TMEM17: variants seen among roughly 807,000 people sequenced by gnomAD.
TMEM17 encodes transmembrane protein 17.
Under a neutral mutation model 19.1 loss-of-function variants are expected in TMEM17, and 15 were observed. The ratio of observed to expected loss-of-function variants is 0.78; its 90% CI spans 0.52 to 1.21. TMEM17 has a LOEUF of 1.21. Among genes scored for constraint, TMEM17 ranks in the 50% most tolerant of loss-of-function variants. The pLI, the probability that TMEM17 is intolerant of heterozygous loss-of-function variation, is 0.00. For synonymous variants in TMEM17, 103 were observed against 86.9 expected, an observed-to-expected ratio of 1.19 and a Z score of -1.03; for missense variants, 245 against 242.3, an observed-to-expected ratio of 1.01 and a Z score of -0.07.
At chr2:62,463,604 C>T in the TMEM17 span, among the ~76,000 whole-genome samples, 2 of 152,170 alleles carry the variant, frequency 1.3e-5, no homozygotes, top group Non-Finnish European at 2.9e-5. Flanking sequence ...AAGGTTGACA[C>T]AACCTGTAGT....
chr2:62,488,298 T>A, the TMEM17 span, among the ~76,000 whole-genome samples: 1 of 152,158 alleles, frequency 6.6e-6, no homozygotes, highest in Admixed American at 6.5e-5. Context: ...AGATAGCTAC[T>A]GTAGATAGGT....
At chr2:62,473,260 A>C in the TMEM17 span, among the ~76,000 whole-genome samples, 1 of 152,204 alleles carries the variant, frequency 6.6e-6, no homozygotes, top group Non-Finnish European at 1.5e-5. Context: ...TGGATAAGAA[A>C]ACTAAGGTAC....
At chr2:62,498,638 C>T (rs1329617379), downstream of TMEM17, among the ~76,000 whole-genome samples, 8 of 147,108 alleles carry the variant, frequency 5.4e-5, no homozygotes, top group Admixed American at 5.4e-4. Context: ...ATGGCGTGAA[C>T]CCGGGAGGCG....
chr2:62,495,171 G>C, the TMEM17 span, among the ~76,000 whole-genome samples: 1 of 152,118 alleles, frequency 6.6e-6, no homozygotes, highest in African/African-American at 2.4e-5. Flanking sequence ...TTTAGATAAT[G>C]CATGTTGATA....
At chr2:62,454,872 T>G in the TMEM17 span, among the ~76,000 whole-genome samples, 1 of 152,078 alleles carries the variant, frequency 6.6e-6, no homozygotes, top group African/African-American at 2.4e-5. Flanking sequence ...CCTGGATAAC[T>G]TTTTTGTATT....
chr2:62,456,257 C>G, the TMEM17 span, among the ~76,000 whole-genome samples: 1 of 152,256 alleles, frequency 6.6e-6, no homozygotes, highest in Admixed American at 6.5e-5. Flanking sequence ...ATCAGTTTCA[C>G]TGGGCCAAAA....
the TMEM17 span, among the ~76,000 whole-genome samples, chr2:62,485,256 T>C: frequency 2.0e-5 from 3 of 152,244 alleles, no homozygotes; most frequent in Non-Finnish European, 2.9e-5. Flanking sequence ...ATAATGTCTA[T>C]TGCATCAGAG....
At chr2:62,484,655 C>T in the TMEM17 span, among the ~76,000 whole-genome samples, 3 of 152,126 alleles carry the variant, frequency 2.0e-5, no homozygotes, top group African/African-American at 4.8e-5. Context: ...TGCTGACTTT[C>T]GTTCAGTTTG....
chr2:62,502,823 G>T, intron 1 of TMEM17, 29 bp from the exon 2 acceptor site: 1 of 1,423,644 alleles, frequency 7.0e-7, no homozygotes, highest in Non-Finnish European at 9.7e-7. Context: ...AGGAACAAAT[G>T]ATGAATCTTG....
the TMEM17 span, among the ~76,000 whole-genome samples, chr2:62,471,317 A>G: frequency 2.0e-5 from 3 of 152,320 alleles, no homozygotes; most frequent in Non-Finnish European, 2.9e-5. Flanking sequence ...GACTCTGGGC[A>G]ATGCTCTTAA....
At chr2:62,503,323 A>T (rs934853957) in intron 1 of TMEM17, among the ~76,000 whole-genome samples, 2 of 152,166 alleles carry the variant, frequency 1.3e-5, no homozygotes, top group Non-Finnish European at 2.9e-5. Context: ...TACTTCCTTC[A>T]TCAGTTCCCC....
At chr2:62,499,240 T>C (rs1679857653), downstream of TMEM17, among the ~76,000 whole-genome samples, 1 of 151,160 alleles carries the variant, frequency 6.6e-6, no homozygotes. Flanking sequence ...ATCTCTTAAT[T>C]TTAAAGTTTA....
the TMEM17 span, among the ~76,000 whole-genome samples, chr2:62,471,442 A>G: frequency 1.8e-5 from 2 of 114,236 alleles, no homozygotes; most frequent in African/African-American, 6.7e-5. Flanking sequence ...TCTAAGACTG[A>G]TGACTCTGTG....
intron 1 of TMEM17, among the ~76,000 whole-genome samples, chr2:62,505,779 T>C (rs2103737661): frequency 6.6e-6 from 1 of 152,102 alleles, no homozygotes; most frequent in East Asian, 2.0e-4. Context: ...CGGCCCCACG[T>C]CAGCTGCCGC....
chr2:62,486,945 G>T, the TMEM17 span, among the ~76,000 whole-genome samples: 1 of 152,074 alleles, frequency 6.6e-6, no homozygotes, highest in East Asian at 1.9e-4. Context: ...GGGTAAAGGG[G>T]GTGATGTGGG....
At chr2:62,472,046 C>T in the TMEM17 span, among the ~76,000 whole-genome samples, 17 of 152,122 alleles carry the variant, frequency 1.1e-4, no homozygotes, top group African/African-American at 3.6e-4. Context: ...CCAACCTTGG[C>T]GGGGTTTCAG....
At chr2:62,468,342 C>T in the TMEM17 span, among the ~76,000 whole-genome samples, 1 of 152,100 alleles carries the variant, frequency 6.6e-6, no homozygotes, top group African/African-American at 2.4e-5. Flanking sequence ...TAGCCTACAC[C>T]CTGTCAGGTT....
the TMEM17 span, among the ~76,000 whole-genome samples, chr2:62,461,377 C>A: frequency 2.6e-3 from 403 of 152,284 alleles, no homozygotes; most frequent in African/African-American, 9.5e-3. Flanking sequence ...CCAGTTCAGT[C>A]CCCCCAGTCT....
chr2:62,466,797 C>A, the TMEM17 span, among the ~76,000 whole-genome samples: 1 of 152,094 alleles, frequency 6.6e-6, no homozygotes, highest in South Asian at 2.1e-4. Flanking sequence ...GCAAGTGGGA[C>A]CTGAATTTGA....
Sources: allele counts gnomAD v4.1 joint callset (sites outside exome capture counted in the v4.1 genomes callset), GRCh38; gene constraint gnomAD v4.1.1; transcripts MANE v1.5; gene names NCBI Gene and HGNC (gene_info 2026-07-23, HGNC 2026-07-21).